KIAA1217: variants seen among roughly 807,000 people sequenced by gnomAD.
The protein encoded by KIAA1217 is KIAA1217, also known as sickle tail protein homolog.
In KIAA1217, 88 loss-of-function variants were observed where a neutral mutation model predicts 163.9. The ratio of observed to expected loss-of-function variants is 0.54; its 90% CI spans 0.45 to 0.64. The LOEUF (loss-of-function observed/expected upper bound fraction) is 0.64, where lower values mean the gene tolerates loss of function less well. Among genes scored for constraint, KIAA1217 ranks in the 30% least tolerant of loss-of-function variants. The probability of loss-of-function intolerance (pLI) is 0.00; values close to 1 mark genes in which losing one functional copy is unlikely to be tolerated. For synonymous variants in KIAA1217, 903 were observed against 923.1 expected, an observed-to-expected ratio of 0.98 and a Z score of 0.39; for missense variants, 2,372 against 2,475.0, an observed-to-expected ratio of 0.96 and a Z score of 0.88.
intron 2 of KIAA1217, among the ~76,000 whole-genome samples, chr10:24,146,887 G>A (rs1022138583): frequency 2.0e-5 from 3 of 151,740 alleles, no homozygotes; most frequent in African/African-American, 4.8e-5. Flanking sequence ...AAGTGTCTTG[G>A]AAAATATTTG....
intron 2 of KIAA1217, among the ~76,000 whole-genome samples, chr10:24,144,161 T>A (rs1256981070): frequency 6.6e-6 from 1 of 152,264 alleles, no homozygotes; most frequent in Non-Finnish European, 1.5e-5. Flanking sequence ...TTTATTCATA[T>A]GTTCATTCCA....
intron 1 of KIAA1217, among the ~76,000 whole-genome samples, chr10:23,938,692 G>T (rs750423359): frequency 6.6e-6 from 1 of 151,860 alleles, no homozygotes. Context: ...GATGTGCCTC[G>T]GTTATGTGCA....
chr10:24,044,911 C>T (rs939669614), intron 2 of KIAA1217, among the ~76,000 whole-genome samples: 3 of 152,068 alleles, frequency 2.0e-5, no homozygotes, highest in African/African-American at 7.2e-5. Flanking sequence ...TCTCTGCATT[C>T]CTCAGTTCTT....
intron 10 of KIAA1217, among the ~76,000 whole-genome samples, chr10:24,515,812 C>T (rs2097734807): frequency 6.6e-6 from 1 of 152,184 alleles, no homozygotes; most frequent in South Asian, 2.1e-4. Context: ...TGGTTCATGC[C>T]TATAGTCCCA....
chr10:24,457,360 G>GTGTGTGTGTGTGTGTGTGTT lies in KIAA1217; in HGVS notation c.847-15865_847-15864insGTGTGTGTGTGTGTGTTTGT, dbSNP rs774686589. Among the ~76,000 whole-genome samples the GTGTGTGTGTGTGTGTGTGTT allele has an allele frequency of 5.7e-3, 866 of 151,654 alleles. 25 individuals are homozygous for GTGTGTGTGTGTGTGTGTGTT. Among genetic ancestry groups the GTGTGTGTGTGTGTGTGTGTT allele is most frequent in the East Asian group, 0.013 (66 of 5,106 alleles). ...TTTTTTGTTTTGTGTGTGTGTGTGTGTGTATGTGTGTGTGGGTGGCGGGGT... is the reference window on the plus strand; with the variant it reads ...TTTTTTGTTTTGTGTGTGTGTGTGTGTGTGTGTGTGTGTGTGTGTTTGTATGTGTGTGTGGGTGGCGGGGT... On this transcript the variant is annotated intron_variant, in intron 5 of 20. Transcript: ENST00000376454.
chr10:23,865,551 T>C (rs1384802856), intron 1 of KIAA1217, among the ~76,000 whole-genome samples: 4 of 152,322 alleles, frequency 2.6e-5, no homozygotes, highest in African/African-American at 9.6e-5. Flanking sequence ...TGTGAAATCA[T>C]TGAACATTCT....
intron 1 of KIAA1217, among the ~76,000 whole-genome samples, chr10:23,745,694 C>T (rs1839369239): frequency 6.6e-6 from 1 of 152,042 alleles, no homozygotes; most frequent in African/African-American, 2.4e-5. Flanking sequence ...CTTGGCCCAC[C>T]GATAATTTGT....
At position 23,913,281 on chromosome 10, in the gene KIAA1217, A is replaced by C. The variant is rs74822763; in HGVS notation, c.-320-93944A>C. Among the ~76,000 whole-genome samples, 894 of 152,264 alleles carry C rather than the reference A, an allele frequency of 5.9e-3. 10 individuals carry two copies. Among genetic ancestry groups the C allele is most frequent in the African/African-American group, 0.02 (839 of 41,556 alleles). Reference sequence around the variant, plus strand: ...CAGTGATAAAGAAGTTGTCATACTGAATCAATCCCAGAGCACAGACAGCCG... The same window carrying C: ...CAGTGATAAAGAAGTTGTCATACTGCATCAATCCCAGAGCACAGACAGCCG... On this transcript the variant is annotated intron_variant, in intron 1 of 18. Coordinates refer to the KIAA1217 transcript ENST00000376462.
At chr10:24,504,465 A>T (rs2068081397) in intron 9 of KIAA1217, among the ~76,000 whole-genome samples, 1 of 152,190 alleles carries the variant, frequency 6.6e-6, no homozygotes, top group South Asian at 2.1e-4. Context: ...GAGGGAGTCT[A>T]CTTAAGACAA....
intron 19 of KIAA1217, 152 bp from the exon 20 acceptor site, chr10:24,544,829 G>C (rs1310264894): frequency 2.5e-6 from 2 of 811,528 alleles, no homozygotes; most frequent in African/African-American, 3.4e-5. Context: ...TGATTCTTCT[G>C]ATTAACCCCA....
At chr10:24,303,253 C>T (rs2041596145) in intron 2 of KIAA1217, among the ~76,000 whole-genome samples, 1 of 151,982 alleles carries the variant, frequency 6.6e-6, no homozygotes, top group Non-Finnish European at 1.5e-5. Flanking sequence ...TGGCCTCAAG[C>T]GATCCTCCTG....
chr10:24,511,919 G>A (rs950882684), intron 9 of KIAA1217, among the ~76,000 whole-genome samples: 5 of 152,068 alleles, frequency 3.3e-5, no homozygotes, highest in East Asian at 1.9e-4. Flanking sequence ...TTGTCTCACC[G>A]AGTCTCCATG....
intron 2 of KIAA1217, among the ~76,000 whole-genome samples, chr10:24,315,932 G>GGC (rs1554811345): frequency 6.7e-6 from 1 of 148,746 alleles, no homozygotes; most frequent in Non-Finnish European, 1.5e-5. Context: ...TATCTAATGG[G>GGC]GGGGGGGAAT....
intron 5 of KIAA1217, among the ~76,000 whole-genome samples, chr10:24,454,176 A>G (rs1175402333): frequency 6.6e-6 from 1 of 152,254 alleles, no homozygotes; most frequent in Admixed American, 6.5e-5. Flanking sequence ...TTGGCAGAAA[A>G]GACAAACTAC....
chr10:23,712,422 T>G (rs925819427), intron 1 of KIAA1217, among the ~76,000 whole-genome samples: 6 of 151,742 alleles, frequency 4.0e-5, no homozygotes, highest in Non-Finnish European at 7.4e-5. Context: ...GCCAAGTCAA[T>G]GAACATCTTG....
At chr10:24,122,517 A>G (rs1047861899) in intron 2 of KIAA1217, among the ~76,000 whole-genome samples, 1 of 152,192 alleles carries the variant, frequency 6.6e-6, no homozygotes, top group Admixed American at 6.5e-5. Flanking sequence ...ATGTACTGCT[A>G]CCAGGTGATT....
chr10:24,273,092 A>G (rs554558831), intron 2 of KIAA1217, among the ~76,000 whole-genome samples: 4 of 152,330 alleles, frequency 2.6e-5, no homozygotes, highest in African/African-American at 9.6e-5. Context: ...TAGCAACACT[A>G]CATATATGAG....
rs1246386068 is a variant in KIAA1217, at chr10:24,298,316, G to A, written c.354+78407G>A. Among the ~76,000 whole-genome samples, 3 of 151,948 alleles carry A rather than the reference G, an allele frequency of 2.0e-5. No homozygotes were observed. In the East Asian group the frequency reaches 5.8e-4, roughly 29 times the overall value. ...TTTTTTTTTCTCATTTATATAATAG[G>A]ATATTGTATTGATTTTTTTAAATCT... On this transcript the variant is annotated intron_variant, in intron 2 of 20. Coordinates refer to ENST00000376454, the MANE Select transcript of KIAA1217 (RefSeq NM_019590.5).
intron 1 of KIAA1217, among the ~76,000 whole-genome samples, chr10:23,708,682 G>C (rs185954735): frequency 6.6e-6 from 1 of 152,330 alleles, no homozygotes; most frequent in African/African-American, 2.4e-5. Context: ...GAGAAATGCA[G>C]TGGAAAAGTT....
Sources: gnomAD v4.1 joint callset for allele counts (sites outside exome capture counted in the v4.1 genomes callset) on GRCh38, gnomAD v4.1.1 for gene constraint, MANE v1.5 for transcripts, NCBI Gene and HGNC (gene_info 2026-07-23, HGNC 2026-07-21) for gene names.